The following FAT1 variants were observed in gnomAD, a reference collection of about 807,000 sequenced individuals.
The protein encoded by FAT1 is FAT atypical cadherin 1, also known as protocadherin Fat 1.
FAT1 carries 171 observed loss-of-function variants against 329.8 expected under a neutral mutation model. The ratio of observed to expected loss-of-function variants is 0.52; its 90% CI spans 0.46 to 0.59. The LOEUF (loss-of-function observed/expected upper bound fraction) is 0.59, where lower values mean the gene tolerates loss of function less well. FAT1 is among the 20% of genes least tolerant of loss of function. FAT1 has a pLI of 0.00. For synonymous variants in FAT1, 2,233 were observed against 2,228.6 expected (o/e 1.00, Z -0.06); for missense variants, 5,672 against 5,774.4 (o/e 0.98, Z 0.57).
intron 6 of FAT1, among the ~76,000 whole-genome samples, chr4:186,634,565 G>A (rs1048060828): frequency 1.3e-5 from 2 of 151,996 alleles, no homozygotes; most frequent in Non-Finnish European, 2.9e-5. Flanking sequence ...TGAGCATTAC[G>A]TGGCAACACG....
intron 2 of FAT1, among the ~76,000 whole-genome samples, chr4:186,669,808 G>C (rs992550638): frequency 6.6e-6 from 1 of 152,148 alleles, no homozygotes; most frequent in African/African-American, 2.4e-5. Flanking sequence ...GGATACTGAC[G>C]TTGTCTTTCC....
chr4:186,652,706 T>G (rs1741722229), intron 3 of FAT1, among the ~76,000 whole-genome samples: 1 of 152,156 alleles, frequency 6.6e-6, no homozygotes, highest in Non-Finnish European at 1.5e-5. Flanking sequence ...AGCTATCAAA[T>G]GTTACCGGAA....
rs753807443 is a variant in FAT1, at chr4:186,628,585, C to T, written c.4502G>A (p.Ser1501Asn). Residue 1501 changes from serine (S) to asparagine (N), a missense_variant, in exon 8 of 27, where the codon AGT (serine) becomes AAT (asparagine). Around this residue, in one of 2 missense-constraint regions of FAT1, gnomAD observed 3,966 missense variants for 3,915.2 expected, o/e 1.01. Transcript: ENST00000441802. ...AGGATCAAGACGAAATTTCTTGAGA[C>T]TCAGTGGATCTCTACTGCTCTGCAG... ...YTLQSSRDPL[S>N]LKKFRLDPAT... is the part of the protein sequence containing the mutation. 1.2e-6 allele frequency: 2 copies of T among 1,613,962 alleles called. No individual in the cohort carries two copies. Among genetic ancestry groups the T allele is most frequent in the South Asian group, 2.2e-5 (2 of 91,078 alleles).
chr4:186,681,097 A>G (rs960972257), intron 2 of FAT1, among the ~76,000 whole-genome samples: 3 of 152,188 alleles, frequency 2.0e-5, no homozygotes, highest in Non-Finnish European at 2.9e-5. Flanking sequence ...GGGAAACAAG[A>G]GTGAATGTAG....
chr4:186,700,393 T>C (rs1744247929), intron 2 of FAT1, among the ~76,000 whole-genome samples: 1 of 152,198 alleles, frequency 6.6e-6, no homozygotes, highest in African/African-American at 2.4e-5. Flanking sequence ...CTCACCTGGA[T>C]TCACCCACGC....
Position 186,617,138 on chromosome 4 carries a change from T to G in FAT1, c.8942A>C (p.Lys2981Thr), listed in dbSNP as rs1739751980. Reference protein sequence around the residue: ...TIQNEWKVYVKKPLDREKRDN... With the variant: ...TIQNEWKVYVTKPLDREKRDN... ...CCTTTTTTCCCTGTCTAGAGGTTTC[T>G]TCACATATACCTTCCATTCATTCTG... is the stretch of plus-strand genomic sequence containing the variant. The change falls in exon 11 of 27, where the codon AAG (lysine) becomes ACG (threonine). Residue 2981 changes from lysine (K) to threonine (T), a missense_variant. Lys to Thr is a moderately conservative substitution (Grantham distance 78). Coordinates refer to ENST00000441802, the MANE Select transcript of FAT1 (RefSeq NM_005245.4). 2 of 1,613,764 alleles carry G rather than the reference T, an allele frequency of 1.2e-6. No individual in the cohort carries two copies. The highest frequency in any genetic ancestry group is 1.7e-6 in the Non-Finnish European group (2 of 1,179,808).
chr4:186,615,608 C>T (rs1356518662), intron 11 of FAT1, among the ~76,000 whole-genome samples: 1 of 152,156 alleles, frequency 6.6e-6, no homozygotes, highest in African/African-American at 2.4e-5. Context: ...CACAGCATCA[C>T]GGGACCCAAA....
intron 11 of FAT1, 27 bp from the exon 12 acceptor site, chr4:186,614,371 A>G: frequency 6.8e-7 from 1 of 1,470,076 alleles, no homozygotes; most frequent in Non-Finnish European, 9.0e-7. Flanking sequence ...CAAAAACGTT[A>G]CATAAAAGCA....
chr4:186,623,977 C>A (rs1740172438), intron 9 of FAT1, among the ~76,000 whole-genome samples: 1 of 152,164 alleles, frequency 6.6e-6, no homozygotes, highest in African/African-American at 2.4e-5. Context: ...AATCCCACAT[C>A]CATATAGATT....
chr4:186,645,157 G>GTT (rs1174049342), intron 3 of FAT1, among the ~76,000 whole-genome samples: 1 of 151,828 alleles, frequency 6.6e-6, no homozygotes, highest in Non-Finnish European at 1.5e-5. Context: ...TGCCTGACAT[G>GTT]TGAGTGAGGC....
At chr4:186,714,706 G>A (rs180790634) in intron 1 of FAT1, among the ~76,000 whole-genome samples, 1 of 152,232 alleles carries the variant, frequency 6.6e-6, no homozygotes, top group African/African-American at 2.4e-5. Context: ...ATAGTGGTGT[G>A]ATAAGAAACA....
At chr4:186,643,788 TC>T (rs111521404) in intron 3 of FAT1, among the ~76,000 whole-genome samples, 12,517 of 130,792 alleles carry the variant, frequency 0.096, 578 homozygotes, top group East Asian at 0.4. Context: ...CTGCTCCTCA[TC>T]CCCCCCCCAC....
Position 186,645,127 on chromosome 4 carries a change from C to A in FAT1, c.3581-5344G>T, listed in dbSNP as rs192387224. On this transcript the variant is annotated intron_variant, in intron 3 of 26. Coordinates refer to ENST00000441802, the MANE Select transcript of FAT1 (RefSeq NM_005245.4). ...TGGAAGAGAAGACACGTGGTCTAGT[C>A]ATTCGTGCTGCTCCACCATTGCCTG... Among the ~76,000 whole-genome samples the A allele has an allele frequency of 1.6e-4, 24 of 151,956 alleles. No homozygotes were observed. In the East Asian group the frequency reaches 4.7e-3, roughly 30 times the overall value.
rs756287869 is a variant in FAT1 at position 186,601,409 on chromosome 4, G to A, written c.11500C>T (p.Leu3834=). The change falls in exon 21 of 27, where the codon CTG becomes TTG. Residue 3834 remains leucine, a synonymous_variant. Transcript: ENST00000441802. ...GQCPGSSSMT[L]TGNSYVKYRL... Reference sequence around the variant, plus strand: ...TATTTCACGTAGCTGTTTCCAGTCAGTGTCATAGATGAACTCCCTGTGAAT... The same window carrying A: ...TATTTCACGTAGCTGTTTCCAGTCAATGTCATAGATGAACTCCCTGTGAAT... 1.2e-6 allele frequency: 2 copies of A among 1,612,544 alleles called. No homozygotes were observed. The highest frequency in any genetic ancestry group is 1.1e-5 in the South Asian group (1 of 91,020).
intron 2 of FAT1, among the ~76,000 whole-genome samples, chr4:186,701,091 C>G (rs1458416221): frequency 6.6e-6 from 1 of 152,220 alleles, no homozygotes; most frequent in Non-Finnish European, 1.5e-5. Context: ...TAGACTTGTT[C>G]AGTCAGTAAC....
intron 23 of FAT1, 40 bp downstream of exon 23, chr4:186,597,932 T>C (rs771493652): frequency 6.3e-6 from 10 of 1,584,594 alleles, no homozygotes; most frequent in South Asian, 3.5e-5. Flanking sequence ...AAGAATTTTA[T>C]ACTACAATTG....
At chr4:186,605,556 A>C (rs1450507324) in intron 17 of FAT1, among the ~76,000 whole-genome samples, 1 of 88,888 alleles carries the variant, frequency 1.1e-5, no homozygotes, top group African/African-American at 4.3e-5. Flanking sequence ...GGAGGAATGG[A>C]GAAGAGGTGG....
chr4:186,632,903 C>A (rs1740659624), intron 7 of FAT1, among the ~76,000 whole-genome samples: 1 of 152,178 alleles, frequency 6.6e-6, no homozygotes, highest in Non-Finnish European at 1.5e-5. Flanking sequence ...CCTTTAGCTT[C>A]TGCCATCCCA....
At chr4:186,701,653 G>A (rs1012167122) in intron 2 of FAT1, among the ~76,000 whole-genome samples, 1 of 152,188 alleles carries the variant, frequency 6.6e-6, no homozygotes, top group Non-Finnish European at 1.5e-5. Context: ...AGACCCTTTA[G>A]TCAGGATCCG....
Sources: gnomAD v4.1 joint callset for allele counts (sites outside exome capture counted in the v4.1 genomes callset) on GRCh38, gnomAD v4.1.1 for gene constraint, gnomAD v4.1.1 regional missense constraint, MANE v1.5 for transcripts, NCBI Gene and HGNC (gene_info 2026-07-23, HGNC 2026-07-21) for gene names.